The following ENTPD5 variants were observed in gnomAD, a reference collection of about 807,000 sequenced individuals.
ENTPD5 encodes nucleoside diphosphate phosphatase ENTPD5.
A neutral mutation model predicts 60.2 loss-of-function variants in ENTPD5; 49 were observed. The ratio of observed to expected loss-of-function variants is 0.81; its 90% CI spans 0.65 to 1.03. ENTPD5 has a LOEUF of 1.03. ENTPD5 is among the 50% of genes least tolerant of loss of function. ENTPD5 has a pLI of 0.00. For missense variants in ENTPD5, 480 were observed against 507.6 expected (o/e 0.95, Z 0.52); for synonymous variants, 187 against 185.4 (o/e 1.01, Z -0.07).
chr14:74,016,150 T>C (rs915096721), intron 1 of ENTPD5, among the ~76,000 whole-genome samples: 3 of 152,186 alleles, frequency 2.0e-5, no homozygotes, highest in African/African-American at 7.2e-5. Flanking sequence ...GTACTATCAG[T>C]TGTTGCTCAC....
At chr14:73,995,094 G>T (rs995581025) in intron 3 of ENTPD5, among the ~76,000 whole-genome samples, 1 of 149,614 alleles carries the variant, frequency 6.7e-6, no homozygotes, top group Non-Finnish European at 1.5e-5. Context: ...TATCACCCAG[G>T]CTGGAGTGCA....
intron 4 of ENTPD5, among the ~76,000 whole-genome samples, chr14:73,987,404 G>A (rs78208447): frequency 6.6e-6 from 1 of 152,142 alleles, no homozygotes; most frequent in African/African-American, 2.4e-5. Flanking sequence ...CATGTGTTCT[G>A]GCCAAGCATG....
chr14:74,003,960 C>A lies in ENTPD5; in HGVS notation c.-71+7131G>T, dbSNP rs562982489. Among the ~76,000 whole-genome samples the A allele has an allele frequency of 1.2e-4, 18 of 151,476 alleles. No homozygotes were observed. The East Asian group carries it at 3.5e-3, about 29-fold the overall frequency. On this transcript the variant is annotated intron_variant, in intron 3 of 15. Transcript: ENST00000334696. ...AATTTTTTTTTAATGAAAAAATTAG[C>A]CAGGCATGGCAGTGCACACTTGCAG...
intron 3 of ENTPD5, among the ~76,000 whole-genome samples, chr14:74,009,827 G>A (rs1310038020): frequency 2.6e-5 from 4 of 151,622 alleles, no homozygotes; most frequent in African/African-American, 4.8e-5. Flanking sequence ...TCGCTCTGTC[G>A]CTCAGGCTGG....
At chr14:74,005,719 AT>A (rs2058660938) in intron 3 of ENTPD5, among the ~76,000 whole-genome samples, 2 of 152,052 alleles carry the variant, frequency 1.3e-5, no homozygotes. Context: ...AGGTAGGAGG[AT>A]CGCTAGAACC....
rs74905428 is a variant in ENTPD5 at position 73,976,523 on chromosome 14, C to T, written c.554-111G>A. ...GTATTCCATACATACTCCACTGCTC[C>T]CCAGCCCCAAGGCTGCAGGTGAATG... On this transcript the variant is annotated intron_variant, in intron 8 of 15. Coordinates refer to ENST00000334696, the MANE Select transcript of ENTPD5 (RefSeq NM_001249.5). 1.3e-4 allele frequency: 105 copies of T among 791,388 alleles called. No homozygotes were observed. In the East Asian group the frequency reaches 2.6e-3, roughly 20 times the overall value. The allele number at this position is 791,388 out of a possible 1,614,324, so 49.0% of individuals were successfully genotyped here.
intron 12 of ENTPD5, 50 bp from the exon 13 acceptor site, chr14:73,973,074 G>A: frequency 6.2e-7 from 1 of 1,604,348 alleles, no homozygotes. Context: ...GCTGGGGGAA[G>A]GGGACACTCT....
chr14:73,988,699 G>A (rs2058007521), intron 3 of ENTPD5, among the ~76,000 whole-genome samples: 1 of 152,080 alleles, frequency 6.6e-6, no homozygotes, highest in South Asian at 2.1e-4. Context: ...AGCCCCTCTG[G>A]TAACTGTCAT....
At chr14:73,993,114 AT>A (rs1317148895) in intron 3 of ENTPD5, among the ~76,000 whole-genome samples, 1 of 152,132 alleles carries the variant, frequency 6.6e-6, no homozygotes, top group African/African-American at 2.4e-5. Flanking sequence ...AGGTGAGTGG[AT>A]TGTTTGAGGT....
intron 15 of ENTPD5, among the ~76,000 whole-genome samples, chr14:73,967,666 G>T (rs776153127): frequency 1.3e-5 from 2 of 151,876 alleles, no homozygotes; most frequent in African/African-American, 2.4e-5. Flanking sequence ...CAAGAGTGGT[G>T]GCACACACCT....
At chr14:73,960,760 A>G (rs1206331565), downstream of ENTPD5, 2 of 426,832 alleles carry the variant, frequency 4.7e-6, no homozygotes, top group Non-Finnish European at 7.9e-6. Flanking sequence ...GGAAACACAG[A>G]GAAAGACTGG....
At chr14:73,982,200 G>A (rs967651499) in intron 6 of ENTPD5, among the ~76,000 whole-genome samples, 10 of 152,108 alleles carry the variant, frequency 6.6e-5, no homozygotes, top group Middle Eastern at 3.4e-3. Flanking sequence ...TCAGCCTCCT[G>A]AGTAGCTGGG....
intron 3 of ENTPD5, among the ~76,000 whole-genome samples, chr14:73,993,408 G>C (rs1342572213): frequency 6.6e-6 from 1 of 152,170 alleles, no homozygotes; most frequent in Non-Finnish European, 1.5e-5. Flanking sequence ...CCATCCGTTA[G>C]AACACTATTC....
intron 3 of ENTPD5, among the ~76,000 whole-genome samples, chr14:74,007,242 C>T (rs1013039027): frequency 6.6e-6 from 1 of 152,136 alleles, no homozygotes; most frequent in Admixed American, 6.6e-5. Context: ...TTAGGTATGG[C>T]CGGGCGCGGT....
At chr14:73,959,507 C>T (rs746827061), downstream of ENTPD5, 36 of 1,613,882 alleles carry the variant, frequency 2.2e-5, no homozygotes, top group South Asian at 3.0e-4. Flanking sequence ...TTGTGGATGC[C>T]GTTAACTCTG....
At chr14:73,961,487 G>T, downstream of ENTPD5, 1 of 1,614,194 alleles carries the variant, frequency 6.2e-7, no homozygotes, top group Non-Finnish European at 8.5e-7. Flanking sequence ...CCGCTTGCAG[G>T]ACAGGGTGTC....
chr14:73,978,488 C>G (rs1323086870), intron 6 of ENTPD5, among the ~76,000 whole-genome samples: 2 of 152,072 alleles, frequency 1.3e-5, no homozygotes, highest in African/African-American at 4.8e-5. Flanking sequence ...GTAATCCCAG[C>G]TACCTGGGAG....
At chr14:73,955,576 TC>T (rs766895550), downstream of ENTPD5, 1 of 1,488,116 alleles carries the variant, frequency 6.7e-7, no homozygotes, top group African/African-American at 1.4e-5. Context: ...GAGTCCACTT[TC>T]TCCAAGTGTT....
chr14:73,958,674 G>T, downstream of ENTPD5: 1 of 1,327,470 alleles, frequency 7.5e-7, no homozygotes, highest in East Asian at 3.5e-5. Context: ...CAGCTCCAGT[G>T]TGTGCCCCAT....
Sources: gnomAD v4.1 joint callset for allele counts (sites outside exome capture counted in the v4.1 genomes callset) on GRCh38, gnomAD v4.1.1 for gene constraint, MANE v1.5 for transcripts, NCBI Gene and HGNC (gene_info 2026-07-23, HGNC 2026-07-21) for gene names.